DAB1: variants seen among roughly 807,000 people sequenced by gnomAD.
DAB1 encodes disabled homolog 1.
DAB1 carries 15 observed loss-of-function variants against 64.6 expected under a neutral mutation model. That is an observed-to-expected ratio of 0.23 (90% confidence interval 0.16 to 0.36). DAB1 has a LOEUF of 0.36. DAB1 is among the 10% of genes least tolerant of loss of function. The pLI, the probability that DAB1 is intolerant of heterozygous loss-of-function variation, is 1.00. For missense variants in DAB1, 596 were observed against 706.7 expected, an observed-to-expected ratio of 0.84 and a Z score of 1.78; for synonymous variants, 235 against 251.9, an observed-to-expected ratio of 0.93 and a Z score of 0.64.
intron 4 of DAB1, among the ~76,000 whole-genome samples, chr1:58,188,680 T>C (rs1036815546): frequency 1.3e-5 from 2 of 152,228 alleles, no homozygotes; most frequent in Non-Finnish European, 2.9e-5. Context: ...AATCAAGCCA[T>C]GATGTTTTAA....
intron 1 of DAB1, among the ~76,000 whole-genome samples, chr1:57,367,487 A>G (rs1451722801): frequency 6.6e-6 from 1 of 152,202 alleles, no homozygotes; most frequent in Non-Finnish European, 1.5e-5. Context: ...TGAAGGCAGT[A>G]ACATCTACCT....
intron 5 of DAB1, among the ~76,000 whole-genome samples, chr1:58,070,842 G>C (rs1344509305): frequency 1.3e-5 from 2 of 152,178 alleles, no homozygotes; most frequent in Non-Finnish European, 2.9e-5. Context: ...GAATGGAGCT[G>C]CTGCAAGCTG....
chr1:57,334,795 C>T (rs1409196059), intron 1 of DAB1, among the ~76,000 whole-genome samples: 1 of 152,136 alleles, frequency 6.6e-6, no homozygotes, highest in Non-Finnish European at 1.5e-5. Flanking sequence ...GTGAACCTGC[C>T]TAAGGTCATC....
At chr1:58,291,348 C>T (rs1053182923) in intron 4 of DAB1, among the ~76,000 whole-genome samples, 1 of 152,154 alleles carries the variant, frequency 6.6e-6, no homozygotes, top group African/African-American at 2.4e-5. Context: ...TTCTCTTTCT[C>T]ACCTTCAAGA....
At chr1:57,135,499 T>A (rs1182358779) in intron 4 of DAB1, among the ~76,000 whole-genome samples, 1 of 152,246 alleles carries the variant, frequency 6.6e-6, no homozygotes, top group African/African-American at 2.4e-5. Context: ...GTTTATCTAT[T>A]CATCCATCTA....
chr1:58,344,776 CAG>C (rs1401390300), intron 3 of DAB1, among the ~76,000 whole-genome samples: 5 of 152,280 alleles, frequency 3.3e-5, no homozygotes, highest in East Asian at 1.9e-4. Flanking sequence ...TCATTTGTAA[CAG>C]GGGAATATTA....
chr1:57,332,890 C>T (rs993352608), intron 1 of DAB1, among the ~76,000 whole-genome samples: 1 of 152,206 alleles, frequency 6.6e-6, no homozygotes, highest in Non-Finnish European at 1.5e-5. Flanking sequence ...AGCCACATGG[C>T]CTTCCTTTCT....
At chr1:57,514,237 T>A (rs1644438238) in intron 7 of DAB1, among the ~76,000 whole-genome samples, 1 of 152,226 alleles carries the variant, frequency 6.6e-6, no homozygotes, top group Admixed American at 6.5e-5. Flanking sequence ...GTAGTTCAAT[T>A]TGTAATCTTT....
At position 58,411,698 on chromosome 1, in the gene DAB1, A is replaced by G. The variant is rs545753374; in HGVS notation, n.258-68295T>C. On this transcript the variant is annotated intron_variant and non_coding_transcript_variant, in intron 3 of 20. Coordinates refer to the DAB1 transcript ENST00000485760. ...TATAAGAGTTCAGCATAGCTGGAGT[A>G]GAGAGGGAAAGGAAGGGATATGACC... Among the ~76,000 whole-genome samples, 41 of 152,346 alleles carry G rather than the reference A, an allele frequency of 2.7e-4. 1 individual carries two copies. The highest frequency in any genetic ancestry group is 1.7e-3 in the Admixed American group (26 of 15,296).
At chr1:58,362,394 A>T (rs866734213) in intron 3 of DAB1, among the ~76,000 whole-genome samples, 6 of 152,180 alleles carry the variant, frequency 3.9e-5, no homozygotes, top group South Asian at 4.1e-4. Flanking sequence ...TTGAGGGAAA[A>T]ATACTGACCT....
rs397862533 is a variant in DAB1, at chr1:57,665,849, C to CTGTGTGTG, written n.552-16192_552-16185dup. On this transcript the variant is annotated intron_variant and non_coding_transcript_variant, in intron 6 of 20. Coordinates refer to the DAB1 transcript ENST00000485760. ...TTTTCTTCCCTTTTTTTTTAATTAT[C>CTGTGTGTG]TGTGTGTGTGTGTGTGTGTGTGTGT... 1.7e-3 allele frequency among the ~76,000 whole-genome samples: 232 copies of CTGTGTGTG among 137,242 alleles called. 1 individual carries two copies. Among genetic ancestry groups the CTGTGTGTG allele is most frequent in the African/African-American group, 5.3e-3 (199 of 37,232 alleles). 90.0% of individuals were successfully genotyped at this position (137,242 alleles called of 152,430 possible).
chr1:57,865,866 T>A (rs1195453483), intron 1 of DAB1, among the ~76,000 whole-genome samples: 3 of 152,216 alleles, frequency 2.0e-5, no homozygotes, highest in Non-Finnish European at 2.9e-5. Context: ...CTGGGTGGGT[T>A]GTAAACAGCA....
At chr1:57,476,136 G>C (rs1472309615) in intron 7 of DAB1, among the ~76,000 whole-genome samples, 5 of 150,924 alleles carry the variant, frequency 3.3e-5, no homozygotes, top group Non-Finnish European at 7.4e-5. Flanking sequence ...TGAGGCAGGA[G>C]AATCGCTTGA....
chr1:58,229,120 C>T (rs913948995), intron 4 of DAB1: 2 of 191,082 alleles, frequency 1.0e-5, no homozygotes, highest in Non-Finnish European at 2.1e-5. Context: ...GTGCATACCA[C>T]CATACCTGAT....
At chr1:57,879,515 TC>T (rs1454611159) in intron 1 of DAB1, among the ~76,000 whole-genome samples, 1 of 152,064 alleles carries the variant, frequency 6.6e-6, no homozygotes, top group Admixed American at 6.6e-5. Flanking sequence ...CACTCAAGGG[TC>T]CCCAAACTAA....
chr1:57,115,119 C>G (rs934069143), intron 4 of DAB1, among the ~76,000 whole-genome samples: 1 of 152,164 alleles, frequency 6.6e-6, no homozygotes, highest in African/African-American at 2.4e-5. Flanking sequence ...AGACGCTAAA[C>G]AGAAACACAG....
At chr1:57,053,738 A>G (rs1286811267) in intron 9 of DAB1, among the ~76,000 whole-genome samples, 1 of 132,216 alleles carries the variant, frequency 7.6e-6, no homozygotes, top group Non-Finnish European at 1.5e-5. Context: ...CCCAGGCTGG[A>G]GTGCAGTGGC....
intron 5 of DAB1, among the ~76,000 whole-genome samples, chr1:58,128,104 T>A (rs1458535728): frequency 6.6e-6 from 1 of 152,042 alleles, no homozygotes; most frequent in African/African-American, 2.4e-5. Context: ...TGGAATGTTC[T>A]TCCATTTGTT....
intron 2 of DAB1, among the ~76,000 whole-genome samples, chr1:57,226,633 G>A (rs1490783152): frequency 7.1e-6 from 1 of 141,182 alleles, no homozygotes; most frequent in East Asian, 2.0e-4. Flanking sequence ...CCTTCAAAAA[G>A]CAAGTCAGAT....
Sources: gnomAD v4.1 joint callset for allele counts (sites outside exome capture counted in the v4.1 genomes callset) on GRCh38, gnomAD v4.1.1 for gene constraint, MANE v1.5 for transcripts, NCBI Gene and HGNC (gene_info 2026-07-23, HGNC 2026-07-21) for gene names.